The following PLEKHA7 variants were observed in gnomAD, a reference collection of about 807,000 sequenced individuals.
PLEKHA7 encodes pleckstrin homology domain containing A7, also known as pleckstrin homology domain-containing family A member 7.
A neutral mutation model predicts 170.0 loss-of-function variants in PLEKHA7; 104 were observed. The ratio of observed to expected loss-of-function variants is 0.61; its 90% CI spans 0.52 to 0.72. PLEKHA7 has a LOEUF of 0.72. Ranked by LOEUF, PLEKHA7 falls within the 30% of genes least tolerant of loss-of-function variation. The pLI, the probability that PLEKHA7 is intolerant of heterozygous loss-of-function variation, is 0.00. For missense variants in PLEKHA7, 1,615 were observed against 1,671.7 expected, an observed-to-expected ratio of 0.97 and a Z score of 0.59; for synonymous variants, 648 against 660.8, an observed-to-expected ratio of 0.98 and a Z score of 0.30.
At chr11:16,944,032 G>A (rs1359661849) in intron 3 of PLEKHA7, among the ~76,000 whole-genome samples, 1 of 152,178 alleles carries the variant, frequency 6.6e-6, no homozygotes, top group African/African-American at 2.4e-5. Flanking sequence ...TTGTCTCTTT[G>A]GGAATGACTG....
chr11:17,004,129 A>G (rs1160942983), intron 3 of PLEKHA7, among the ~76,000 whole-genome samples: 1 of 152,226 alleles, frequency 6.6e-6, no homozygotes, highest in Non-Finnish European at 1.5e-5. Context: ...GGAAGATATA[A>G]GAAAGGATTA....
intron 6 of PLEKHA7, 99 bp from the exon 7 acceptor site, chr11:16,852,454 A>G (rs904343062): frequency 1.1e-6 from 1 of 943,278 alleles, no homozygotes; most frequent in Non-Finnish European, 1.6e-6. Context: ...ATTTGCCCAT[A>G]TTCACTCTTT....
rs748225168 is a variant in PLEKHA7 at position 16,852,250 on chromosome 11, T to A, written c.595+33A>T. The A allele has an allele frequency of 1.9e-6, 3 of 1,603,340 alleles. No homozygotes were observed. In the East Asian group the frequency reaches 6.7e-5, roughly 36 times the overall value. ...CATCCACATATGTAAAACTGAACAC[T>A]TCGGCAGGGTAATAGGCTACTTGTT... On this transcript the variant is annotated intron_variant, in intron 7 of 26. Transcript: ENST00000531066.
At chr11:16,889,632 C>A (rs969504910) in intron 3 of PLEKHA7, among the ~76,000 whole-genome samples, 1 of 151,632 alleles carries the variant, frequency 6.6e-6, no homozygotes, top group African/African-American at 2.4e-5. Context: ...ATGAAATGAA[C>A]AAAGCTTCTG....
chr11:16,794,584 G>A lies in PLEKHA7; in HGVS notation c.2649C>T (p.Pro883=). ...VRTPLEVRLF[P]QLQTYVPYRP... Reference sequence around the variant, plus strand: ...GGTACGGCACGTAGGTTTGCAGCTGGGGGAAGAGTCGAACCTCCAGAGGGG... The same window carrying A: ...GGTACGGCACGTAGGTTTGCAGCTGAGGGAAGAGTCGAACCTCCAGAGGGG... Residue 883 remains proline (P), a synonymous_variant, in exon 19 of 27, where the codon CCC becomes CCT. Coordinates refer to ENST00000531066, the MANE Select transcript of PLEKHA7 (RefSeq NM_001329630.2). 1 of 1,613,472 alleles carries A rather than the reference G, an allele frequency of 6.2e-7. No individual in the cohort carries two copies. The highest frequency in any genetic ancestry group is 8.5e-7 in the Non-Finnish European group (1 of 1,179,700).
intron 3 of PLEKHA7, among the ~76,000 whole-genome samples, chr11:16,936,119 C>T (rs956059309): frequency 1.1e-4 from 16 of 152,144 alleles, no homozygotes; most frequent in African/African-American, 3.9e-4. Flanking sequence ...AATCAGGTCT[C>T]TGCAGGGCAC....
chr11:16,871,452 A>G (rs1374748191), intron 3 of PLEKHA7, among the ~76,000 whole-genome samples: 4 of 152,186 alleles, frequency 2.6e-5, no homozygotes, highest in African/African-American at 9.7e-5. Flanking sequence ...TGCATCTTGG[A>G]GAGACATTCC....
In PLEKHA7 at chr11:16,789,654, C is replaced by A. The variant is rs116249979; in HGVS notation, c.3156+121G>T. 4.3e-3 allele frequency: 3,560 copies of A among 833,828 alleles called. 97 individuals carry two copies. The African/African-American group carries it at 0.054, about 13-fold the overall frequency. 51.7% of individuals were successfully genotyped at this position (833,828 alleles called of 1,614,324 possible). On this transcript the variant is annotated intron_variant, in intron 22 of 26. Transcript: ENST00000531066. The surrounding 1 kb of genome is among the most constrained non-coding windows in gnomAD (Gnocchi z 4.6). ...TGGGTGACAGGGAGCTCAGGAGGGG[C>A]TGAGGCCACCCCAGAGGCCATCCCC...
chr11:17,013,942 C>T lies in PLEKHA7; in HGVS notation c.221+47G>A, dbSNP rs749639243. ...GCGCCCGGCGGGAACGGGGAGGGAC[C>T]CCCCCCCCGCGGCACAGGTGCGAGC... On this transcript the variant is annotated intron_variant, in intron 3 of 26. Coordinates refer to ENST00000531066, the MANE Select transcript of PLEKHA7 (RefSeq NM_001329630.2). The T allele has an allele frequency of 2.6e-4, 368 of 1,422,024 alleles. 2 individuals are homozygous for T. The South Asian group carries it at 4.6e-3, about 18-fold the overall frequency. The allele number at this position is 1,422,024 out of a possible 1,614,324, so 88.1% of individuals were successfully genotyped here.
At chr11:17,000,401 T>C (rs998841127) in intron 3 of PLEKHA7, among the ~76,000 whole-genome samples, 2 of 152,182 alleles carry the variant, frequency 1.3e-5, no homozygotes, top group Admixed American at 1.3e-4. Context: ...TCAAGAAACC[T>C]GTTCATCTTC....
intron 23 of PLEKHA7, chr11:16,786,683 G>C: frequency 2.0e-6 from 2 of 985,414 alleles, no homozygotes; most frequent in Non-Finnish European, 2.4e-6. Flanking sequence ...CTCCCAGAGA[G>C]GGTGACCTCC....
chr11:16,817,106 C>A lies in PLEKHA7; in HGVS notation c.1560G>T (p.Val520=). The change falls in exon 11 of 27, where the codon GTG becomes GTT. Residue 520 remains valine (V), a synonymous_variant. Coordinates refer to ENST00000531066, the MANE Select transcript of PLEKHA7 (RefSeq NM_001329630.2). This position sits in a 1 kb window ranked among gnomAD's most constrained non-coding sequence, Gnocchi z 4.4. ...GCTGCTGCCACTCGTAGAGCTGCCA[C>A]ACGGTGCCATCCCGGTGCGCCCGGC... The part of the protein sequence containing the change: ...EERRAHRDGT[V]WQLYEWQQRQ... 3 of 1,614,086 alleles carry A rather than the reference C, an allele frequency of 1.9e-6. No individual in the cohort carries two copies. The highest frequency in any genetic ancestry group is 2.5e-6 in the Non-Finnish European group (3 of 1,179,978).
chr11:16,968,170 A>C (rs1438595581), intron 3 of PLEKHA7, among the ~76,000 whole-genome samples: 1 of 152,192 alleles, frequency 6.6e-6, no homozygotes, highest in Non-Finnish European at 1.5e-5. Context: ...CAAGATCCTG[A>C]GGGGTTTGGC....
rs183368880 is a variant in PLEKHA7 at position 16,898,091 on chromosome 11, A to G, written c.222-26909T>C. Among the ~76,000 whole-genome samples, 13 of 152,310 alleles carry G rather than the reference A, an allele frequency of 8.5e-5. No individual in the cohort carries two copies. In the East Asian group the frequency reaches 1.4e-3, roughly 16 times the overall value. On this transcript the variant is annotated intron_variant, in intron 3 of 26. Transcript: ENST00000531066. Reference sequence around the variant, plus strand: ...TACCCAGAAATACATGACCAGGAACACTTTCAGAATTCAAAAATATTTTTG... The same window carrying G: ...TACCCAGAAATACATGACCAGGAACGCTTTCAGAATTCAAAAATATTTTTG...
chr11:16,993,320 C>T (rs975655245), intron 3 of PLEKHA7, among the ~76,000 whole-genome samples: 18 of 145,560 alleles, frequency 1.2e-4, no homozygotes, highest in African/African-American at 3.5e-4. Flanking sequence ...GGGGCTGGGT[C>T]GGGGCGGGCA....
intron 3 of PLEKHA7, among the ~76,000 whole-genome samples, chr11:16,893,649 A>C (rs922659306): frequency 6.6e-6 from 1 of 152,214 alleles, no homozygotes; most frequent in Non-Finnish European, 1.5e-5. Flanking sequence ...GAGAAAACCA[A>C]GAACAGGCAA....
intron 3 of PLEKHA7, among the ~76,000 whole-genome samples, chr11:16,968,018 G>C (rs1448419107): frequency 6.6e-6 from 1 of 152,144 alleles, no homozygotes; most frequent in African/African-American, 2.4e-5. Context: ...GAGAGACGGA[G>C]GGAAAGAAGA....
intron 3 of PLEKHA7, among the ~76,000 whole-genome samples, chr11:16,916,066 G>A (rs1858645154): frequency 6.6e-6 from 1 of 151,596 alleles, no homozygotes; most frequent in Non-Finnish European, 1.5e-5. Flanking sequence ...TAACTGGTGT[G>A]AGATGGTATC....
intron 4 of PLEKHA7, among the ~76,000 whole-genome samples, chr11:16,863,472 A>G (rs1405601475): frequency 6.6e-6 from 1 of 152,150 alleles, no homozygotes; most frequent in African/African-American, 2.4e-5. Context: ...CATGCCTTGC[A>G]GCTGGCGTCT....
Sources: allele counts gnomAD v4.1 joint callset (sites outside exome capture counted in the v4.1 genomes callset), GRCh38; gene constraint gnomAD v4.1.1; non-coding constraint Gnocchi (gnomAD v3.1); transcripts MANE v1.5; gene names NCBI Gene and HGNC (gene_info 2026-07-23, HGNC 2026-07-21).